The following TECTB variants were observed in gnomAD, a reference collection of about 807,000 sequenced individuals.
TECTB encodes tectorin beta.
Under a neutral mutation model 43.3 loss-of-function variants are expected in TECTB, and 45 were observed. The ratio of observed to expected loss-of-function variants is 1.04; its 90% CI spans 0.82 to 1.33. The LOEUF is 1.33. Ranked by LOEUF, TECTB falls within the 40% of genes most tolerant of loss-of-function variation. The pLI is 0.00. For synonymous variants in TECTB, 169 were observed against 156.7 expected (o/e 1.08, Z -0.59); for missense variants, 399 against 404.7 (o/e 0.99, Z 0.12).
rs552117706 is a variant in TECTB at position 112,294,406 on chromosome 10, A to T, written c.671+345A>T. Among the ~76,000 whole-genome samples the T allele has an allele frequency of 2.6e-5, 4 of 152,244 alleles. No individual in the cohort carries two copies. The South Asian group carries it at 8.3e-4, about 32-fold the overall frequency. On this transcript the variant is annotated intron_variant, in intron 7 of 10. Coordinates refer to ENST00000646139, the MANE Select transcript of TECTB (RefSeq NM_058222.3). ...TGTGTGTGCGCATGCGTGTGTGTGC[A>T]TGTGTGTATGTGTGCAAGAGGAAGT...
At chr10:112,299,652 C>A (rs750423696) in intron 9 of TECTB, 88 bp downstream of exon 9, 3 of 1,461,998 alleles carry the variant, frequency 2.1e-6, no homozygotes, top group Non-Finnish European at 1.9e-6. Flanking sequence ...AGCATTTTTA[C>A]TGAATTGCCA....
chr10:112,299,815 A>T (rs1848582204), intron 9 of TECTB: 1 of 480,952 alleles, frequency 2.1e-6, no homozygotes, highest in Non-Finnish European at 3.8e-6. Flanking sequence ...CCAAAGAATC[A>T]GGAAGTGCTG....
chr10:112,294,842 C>T (rs532950642), intron 7 of TECTB, among the ~76,000 whole-genome samples: 40 of 152,192 alleles, frequency 2.6e-4, no homozygotes, highest in African/African-American at 9.4e-4. Flanking sequence ...AGGAACTAAT[C>T]AGATAGGAGG....
intron 9 of TECTB, 109 bp downstream of exon 9, chr10:112,299,673 G>C: frequency 3.2e-6 from 4 of 1,232,452 alleles, no homozygotes; most frequent in Non-Finnish European, 3.5e-6. Flanking sequence ...AACCAGTCGT[G>C]CCTGTGGGCA....
chr10:112,285,813 A>G (rs1443793856), intron 3 of TECTB, among the ~76,000 whole-genome samples: 1 of 152,176 alleles, frequency 6.6e-6, no homozygotes, highest in Non-Finnish European at 1.5e-5. Flanking sequence ...CAGAAGCCCA[A>G]TGGGTACATG....
intron 5 of TECTB, among the ~76,000 whole-genome samples, chr10:112,291,907 C>A (rs1296222381): frequency 6.6e-6 from 1 of 152,106 alleles, no homozygotes; most frequent in Non-Finnish European, 1.5e-5. Context: ...GAGGCCGAGG[C>A]GGGCAGATCA....
chr10:112,283,838 G>A (rs41314509), intron 2 of TECTB, 28 bp downstream of exon 2: 288,912 of 1,607,894 alleles, frequency 0.18, 27,495 homozygotes, highest in East Asian at 0.3. Flanking sequence ...CCATTTTCCT[G>A]GGACGAAAAG....
chr10:112,302,914 T>C (rs752991092), intron 10 of TECTB: 14 of 272,400 alleles, frequency 5.1e-5, no homozygotes, highest in African/African-American at 3.0e-4. Context: ...CACTTATTAA[T>C]AATCTCACAG....
In TECTB at chr10:112,296,925, C is replaced by T. The variant is rs1020281548; in HGVS notation, c.672-1144C>T. Among the ~76,000 whole-genome samples the T allele has an allele frequency of 2.6e-5, 4 of 152,126 alleles. No homozygotes were observed. The East Asian group carries it at 5.8e-4, about 22-fold the overall frequency. On this transcript the variant is annotated intron_variant, in intron 7 of 10. Coordinates refer to ENST00000646139, the MANE Select transcript of TECTB (RefSeq NM_058222.3). ...GTGCTATTCAGTGGTCTGACGCTTT[C>T]GAAACATAGACCTTTTCCTGCAGAG...
In TECTB at chr10:112,284,515, T is replaced by G. The variant is rs373629258; in HGVS notation, c.77-20T>G. 24 of 1,575,122 alleles carry G rather than the reference T, an allele frequency of 1.5e-5. No homozygotes were observed. The highest frequency in any genetic ancestry group is 2.7e-5 in the African/African-American group (2 of 74,036). ...ATGATTACCCTAACTGATTTTAAAC[T>G]ATATGTGTGCTCTTTCCAGATGTCA... On this transcript the variant is annotated intron_variant, in intron 2 of 10. Coordinates refer to ENST00000646139, the MANE Select transcript of TECTB (RefSeq NM_058222.3).
intron 5 of TECTB, 44 bp from the exon 6 acceptor site, chr10:112,293,694 C>A: frequency 6.4e-7 from 1 of 1,570,314 alleles, no homozygotes; most frequent in South Asian, 1.1e-5. Context: ...CCTAGCTGCT[C>A]AATCTGAGAG....
rs755219645 is a variant in TECTB at position 112,303,326 on chromosome 10, A to C, written c.*14A>C. ...GCCGTGTTATAGGAGTTAGCCAGGC[A>C]GCTGCCGCTCCTCCACCCACAATAG... On this transcript the variant is annotated 3_prime_UTR_variant, in exon 11 of 11. Coordinates refer to ENST00000646139, the MANE Select transcript of TECTB (RefSeq NM_058222.3). 8 of 1,614,076 alleles carry C rather than the reference A, an allele frequency of 5.0e-6. No homozygotes were observed. In the Admixed American group the frequency reaches 1.2e-4, roughly 24 times the overall value.
intron 7 of TECTB, among the ~76,000 whole-genome samples, chr10:112,295,424 C>T (rs1471301699): frequency 6.6e-6 from 1 of 152,160 alleles, no homozygotes; most frequent in Non-Finnish European, 1.5e-5. Context: ...GAGGAGAAAA[C>T]TGAGGCACAG....
chr10:112,298,375 C>A (rs1848567750), intron 8 of TECTB, 144 bp downstream of exon 8: 2 of 1,071,890 alleles, frequency 1.9e-6, no homozygotes, highest in African/African-American at 1.6e-5. Context: ...AGTATAAGGG[C>A]AGATGCTCGT....
intron 7 of TECTB, among the ~76,000 whole-genome samples, chr10:112,296,920 GC>G (rs769747050): frequency 6.6e-6 from 1 of 152,094 alleles, no homozygotes; most frequent in Non-Finnish European, 1.5e-5. Flanking sequence ...GTGGTCTGAC[GC>G]TTTCGAAACA....
At chr10:112,298,960 T>C (rs1379148267) in intron 8 of TECTB, among the ~76,000 whole-genome samples, 2 of 152,234 alleles carry the variant, frequency 1.3e-5, no homozygotes, top group Non-Finnish European at 2.9e-5. Flanking sequence ...ATAATCTCTA[T>C]TGCTGTTGTT....
chr10:112,288,654 C>A (rs192768192), intron 5 of TECTB, among the ~76,000 whole-genome samples: 1 of 152,322 alleles, frequency 6.6e-6, no homozygotes, highest in Non-Finnish European at 1.5e-5. Context: ...GCAACAACTG[C>A]TCCCTGCATA....
chr10:112,298,717 C>T (rs982268567), intron 8 of TECTB, among the ~76,000 whole-genome samples: 3 of 152,160 alleles, frequency 2.0e-5, no homozygotes, highest in East Asian at 1.9e-4. Flanking sequence ...CAGAAATTCC[C>T]GACACTGGAT....
chr10:112,298,258 A>G (rs1848566403), intron 8 of TECTB, 27 bp downstream of exon 8: 2 of 1,600,336 alleles, frequency 1.2e-6, no homozygotes, highest in Middle Eastern at 1.6e-4. Flanking sequence ...CAGAAGGACA[A>G]TGTTACCTAA....
Sources: allele counts gnomAD v4.1 joint callset (sites outside exome capture counted in the v4.1 genomes callset), GRCh38; gene constraint gnomAD v4.1.1; transcripts MANE v1.5; gene names NCBI Gene and HGNC (gene_info 2026-07-23, HGNC 2026-07-21).